The following AGMO variants were observed in gnomAD, a reference collection of about 807,000 sequenced individuals.
The protein encoded by AGMO is glyceryl-ether monooxygenase.
A neutral mutation model predicts 60.2 loss-of-function variants in AGMO; 75 were observed. The ratio of observed to expected loss-of-function variants is 1.25; its 90% CI spans 1.03 to 1.51. The LOEUF (loss-of-function observed/expected upper bound fraction) is 1.51. AGMO is among the 40% of genes most tolerant of loss of function. AGMO has a pLI of 0.00. For synonymous variants in AGMO, 261 were observed against 177.1 expected (o/e 1.47, Z -3.76); for missense variants, 763 against 525.5 (o/e 1.45, Z -4.42).
At chr7:15,403,432 C>G (rs915334204) in intron 5 of AGMO, among the ~76,000 whole-genome samples, 4 of 151,764 alleles carry the variant, frequency 2.6e-5, no homozygotes, top group African/African-American at 9.7e-5. Flanking sequence ...TAAGATCTTT[C>G]AAGACGTCAT....
chr7:15,213,909 G>C (rs533832730), intron 12 of AGMO, among the ~76,000 whole-genome samples: 1 of 152,122 alleles, frequency 6.6e-6, no homozygotes, highest in East Asian at 1.9e-4. Context: ...GTAAATGATG[G>C]AGTGCTTCAA....
chr7:15,384,256 A>G (rs1435757053), intron 10 of AGMO, among the ~76,000 whole-genome samples: 1 of 152,128 alleles, frequency 6.6e-6, no homozygotes, highest in Non-Finnish European at 1.5e-5. Flanking sequence ...TCCATCTTTT[A>G]ATGCACTAGT....
At chr7:15,408,827 G>A (rs552193125) in intron 5 of AGMO, among the ~76,000 whole-genome samples, 14 of 151,936 alleles carry the variant, frequency 9.2e-5, no homozygotes, top group Admixed American at 5.9e-4. Flanking sequence ...GTAAATACAT[G>A]TAAAATAATT....
chr7:15,283,476 A>T (rs959716172), intron 12 of AGMO, among the ~76,000 whole-genome samples: 3 of 151,928 alleles, frequency 2.0e-5, no homozygotes, highest in Non-Finnish European at 4.4e-5. Flanking sequence ...ACAACAGTTT[A>T]AAAAAAAGAC....
chr7:15,473,326 C>T (rs878963763), intron 3 of AGMO, among the ~76,000 whole-genome samples: 5 of 151,840 alleles, frequency 3.3e-5, no homozygotes, highest in South Asian at 2.1e-4. Context: ...GGTACAAAGA[C>T]GAGCTGGTAC....
intron 10 of AGMO, among the ~76,000 whole-genome samples, chr7:15,368,870 C>CAT (rs767103786): frequency 6.6e-6 from 1 of 152,138 alleles, no homozygotes; most frequent in Non-Finnish European, 1.5e-5. Context: ...CTACTGGACT[C>CAT]AGAGTGGAAA....
chr7:15,361,381 TAC>T (rs1339003798), intron 12 of AGMO, among the ~76,000 whole-genome samples: 26 of 149,700 alleles, frequency 1.7e-4, no homozygotes, highest in Non-Finnish European at 8.9e-5. Context: ...CTACTAAAAA[TAC>T]AAAAAAATTA....
chr7:15,238,790 C>T (rs780096455), intron 12 of AGMO, among the ~76,000 whole-genome samples: 50 of 151,804 alleles, frequency 3.3e-4, no homozygotes, highest in Non-Finnish European at 6.2e-4. Context: ...AAATGCATCC[C>T]TTTTATGCAA....
At chr7:15,172,090 C>T in the AGMO span, among the ~76,000 whole-genome samples, 47 of 152,242 alleles carry the variant, frequency 3.1e-4, no homozygotes, top group African/African-American at 1.1e-3. Context: ...TTGTTCACCA[C>T]AGCAAGACTT....
intron 12 of AGMO, among the ~76,000 whole-genome samples, chr7:15,279,016 C>T (rs141510841): frequency 6.6e-6 from 1 of 152,242 alleles, no homozygotes; most frequent in East Asian, 1.9e-4. Context: ...AGTGCTTAAT[C>T]TTCCCACTCT....
At chr7:15,126,277 A>C in the AGMO span, among the ~76,000 whole-genome samples, 3 of 152,138 alleles carry the variant, frequency 2.0e-5, no homozygotes. Flanking sequence ...AACATTTTAA[A>C]TATAAATGAG....
intron 2 of AGMO, among the ~76,000 whole-genome samples, chr7:15,549,414 G>A (rs1476390813): frequency 1.3e-5 from 2 of 152,056 alleles, no homozygotes; most frequent in African/African-American, 2.4e-5. Flanking sequence ...ACTGTATTCA[G>A]GAAACCCATC....
chr7:15,304,728 T>C (rs1342666650), intron 12 of AGMO, among the ~76,000 whole-genome samples: 1 of 152,080 alleles, frequency 6.6e-6, no homozygotes, highest in African/African-American at 2.4e-5. Context: ...TAGGATGTTG[T>C]CTGCATGAAT....
At chr7:15,521,459 G>A (rs901146547) in intron 3 of AGMO, among the ~76,000 whole-genome samples, 1 of 152,112 alleles carries the variant, frequency 6.6e-6, no homozygotes, top group African/African-American at 2.4e-5. Context: ...TAAAATACTG[G>A]CAAACCAAAT....
intron 12 of AGMO, among the ~76,000 whole-genome samples, chr7:15,352,536 A>T (rs540304814): frequency 1.4e-5 from 2 of 138,834 alleles, no homozygotes. Context: ...TGTTCAGGGG[A>T]GGGGGTGGTG....
At chr7:15,129,098 T>A in the AGMO span, among the ~76,000 whole-genome samples, 1 of 151,998 alleles carries the variant, frequency 6.6e-6, no homozygotes, top group African/African-American at 2.4e-5. Flanking sequence ...GATCCTGAGT[T>A]GTGGGCAGGT....
chr7:15,194,546 C>T, the AGMO span, among the ~76,000 whole-genome samples: 1 of 152,112 alleles, frequency 6.6e-6, no homozygotes, highest in Non-Finnish European at 1.5e-5. Context: ...GCTGATACTT[C>T]TTCAGCACAC....
At chr7:15,246,880 T>C (rs1782758374) in intron 12 of AGMO, among the ~76,000 whole-genome samples, 1 of 152,140 alleles carries the variant, frequency 6.6e-6, no homozygotes, top group Non-Finnish European at 1.5e-5. Context: ...CCATTGAACC[T>C]CAGGGCACAC....
intron 8 of AGMO, among the ~76,000 whole-genome samples, chr7:15,388,688 A>C (rs1189682530): frequency 6.6e-6 from 1 of 152,164 alleles, no homozygotes. Context: ...AACAAACAAA[A>C]CCCTGTGTCT....
Sources: allele counts gnomAD v4.1 joint callset (sites outside exome capture counted in the v4.1 genomes callset), GRCh38; gene constraint gnomAD v4.1.1; transcripts MANE v1.5; gene names NCBI Gene and HGNC (gene_info 2026-07-23, HGNC 2026-07-21).